CCN3: variants seen among roughly 807,000 people sequenced by gnomAD.
CCN3 encodes the protein cellular communication network factor 3.
CCN3 carries 20 observed loss-of-function variants against 33.4 expected under a neutral mutation model. The ratio of observed to expected loss-of-function variants is 0.60; its 90% CI spans 0.42 to 0.87. CCN3 has a LOEUF of 0.87. CCN3 is among the 40% of genes least tolerant of loss of function. The pLI, the probability that CCN3 is intolerant of heterozygous loss-of-function variation, is 0.00. For missense variants in CCN3, 465 were observed against 455.3 expected, an observed-to-expected ratio of 1.02 and a Z score of -0.19; for synonymous variants, 205 against 170.4, an observed-to-expected ratio of 1.20 and a Z score of -1.58.
intron 4 of CCN3, among the ~76,000 whole-genome samples, chr8:119,420,320 C>T (rs1227358960): frequency 1.3e-5 from 2 of 152,152 alleles, no homozygotes; most frequent in Admixed American, 6.5e-5. Context: ...AAGTACCTAC[C>T]TTAACTTGTC....
At position 119,416,465 on chromosome 8, in the gene CCN3, A is replaced by G; in HGVS notation, c.-68A>G. 1 of 1,456,676 alleles carries G rather than the reference A, an allele frequency of 6.9e-7. No homozygotes were observed. The highest frequency in any genetic ancestry group is 9.6e-7 in the Non-Finnish European group (1 of 1,046,258). 90.2% of individuals were successfully genotyped at this position (1,456,676 alleles called of 1,614,324 possible). A position where few individuals can be genotyped will look rare whatever the true frequency, so the allele number is the denominator to read the frequency against. On this transcript the variant is annotated 5_prime_UTR_variant, in exon 1 of 5. Transcript: ENST00000259526. Reference sequence around the variant, plus strand: ...ATCGGCAAGCACCGGACCAGGGGGAAGGCGAGCAGTGCCAATCTACAGCGA... The same window carrying G: ...ATCGGCAAGCACCGGACCAGGGGGAGGGCGAGCAGTGCCAATCTACAGCGA...
In CCN3 at chr8:119,416,466, G is replaced by A; in HGVS notation, c.-67G>A. On this transcript the variant is annotated 5_prime_UTR_variant, in exon 1 of 5. Coordinates refer to ENST00000259526, the MANE Select transcript of CCN3 (RefSeq NM_002514.4). ...TCGGCAAGCACCGGACCAGGGGGAAGGCGAGCAGTGCCAATCTACAGCGAA... is the reference window on the plus strand; with the variant it reads ...TCGGCAAGCACCGGACCAGGGGGAAAGCGAGCAGTGCCAATCTACAGCGAA... 6 of 1,476,444 alleles carry A rather than the reference G, an allele frequency of 4.1e-6. No individual in the cohort carries two copies. Among genetic ancestry groups the A allele is most frequent in the Non-Finnish European group, 4.7e-6 (5 of 1,063,992 alleles). The allele number at this position is 1,476,444 out of a possible 1,614,324, so 91.5% of individuals were successfully genotyped here. A position where few individuals can be genotyped will look rare whatever the true frequency, so the allele number is the denominator to read the frequency against.
At position 119,418,256 on chromosome 8, in the gene CCN3, A is replaced by G. The variant is rs148960882; in HGVS notation, c.509A>G (p.Lys170Arg). The change falls in exon 3 of 5, where the codon AAG becomes AGG. Residue 170 changes from lysine (K) to arginine (R), a missense_variant. Physicochemically the swap from Lys to Arg is conservative, Grantham distance 26. Coordinates refer to ENST00000259526, the MANE Select transcript of CCN3 (RefSeq NM_002514.4). ...GAGGTGCCTGGAGAGTGCTGTGAAA[A>G]GTGGATCTGTGGCCCAGATGAGGAG... is the stretch of plus-strand genomic sequence containing the variant. ...KVEVPGECCE[K>R]WICGPDEEDS... The G allele has an allele frequency of 1.5e-4, 244 of 1,614,184 alleles. No individual in the cohort carries two copies. The African/African-American group carries it at 2.9e-3, about 19-fold the overall frequency.
chr8:119,418,320 C>A lies in CCN3; in HGVS notation c.562+11C>A. On this transcript the variant is annotated intron_variant, in intron 3 of 4. Transcript: ENST00000259526. ...GCCTTACCCTTGCAGGTGAGAAACT[C>A]AATATACCTAGGGCTGGTCATAGTA... 6.2e-7 allele frequency: 1 copy of A among 1,613,716 alleles called. No individual in the cohort carries two copies. Among genetic ancestry groups the A allele is most frequent in the South Asian group, 1.1e-5 (1 of 91,012 alleles).
chr8:119,420,973 C>T (rs556660719), intron 4 of CCN3, among the ~76,000 whole-genome samples: 8 of 147,810 alleles, frequency 5.4e-5, no homozygotes, highest in Non-Finnish European at 1.2e-4. Flanking sequence ...TCATTACTTC[C>T]TTGTCTCCAA....
Position 119,419,225 on chromosome 8 carries a change from C to A in CCN3, c.657C>A (p.Ser219Arg). 1 of 1,614,234 alleles carries A rather than the reference C, an allele frequency of 6.2e-7. No homozygotes were observed. The highest frequency in any genetic ancestry group is 1.3e-5 in the African/African-American group (1 of 75,060). The part of the protein sequence containing the change: ...QTTEWTACSK[S>R]CGMGFSTRVT... ...CAGAGTGGACAGCATGCTCCAAGAGCTGTGGTATGGGGTTCTCCACCCGGG... is the reference window on the plus strand; with the variant it reads ...CAGAGTGGACAGCATGCTCCAAGAGATGTGGTATGGGGTTCTCCACCCGGG... Residue 219 changes from serine (S) to arginine (R), a missense_variant, in exon 4 of 5, where the codon AGC becomes AGA. Ser to Arg is a moderately radical substitution (Grantham distance 110). Coordinates refer to ENST00000259526, the MANE Select transcript of CCN3 (RefSeq NM_002514.4).
At position 119,416,875 on chromosome 8, in the gene CCN3, C is replaced by G. The variant is rs757875319; in HGVS notation, c.216C>G (p.Gly72=). The change falls in exon 2 of 5, where the codon GGC becomes GGG. Residue 72 remains glycine, a synonymous_variant. Coordinates refer to ENST00000259526, the MANE Select transcript of CCN3 (RefSeq NM_002514.4). The part of the protein sequence containing the change: ...SCCLVCARQR[G]ESCSDLEPCD... ...GTCTGGTGTGTGCCCGCCAGCGTGG[C>G]GAGAGCTGCTCAGATCTGGAGCCAT... 1 of 1,613,768 alleles carries G rather than the reference C, an allele frequency of 6.2e-7. No homozygotes were observed. The highest frequency in any genetic ancestry group is 1.3e-5 in the African/African-American group (1 of 75,050).
At position 119,416,469 on chromosome 8, in the gene CCN3, G is replaced by T. The variant is rs928337378; in HGVS notation, c.-64G>T. ...GCAAGCACCGGACCAGGGGGAAGGCGAGCAGTGCCAATCTACAGCGAAGAA... is the reference window on the plus strand; with the variant it reads ...GCAAGCACCGGACCAGGGGGAAGGCTAGCAGTGCCAATCTACAGCGAAGAA... On this transcript the variant is annotated 5_prime_UTR_variant, in exon 1 of 5. Transcript: ENST00000259526. 1 of 1,491,912 alleles carries T rather than the reference G, an allele frequency of 6.7e-7. No individual in the cohort carries two copies. The highest frequency in any genetic ancestry group is 1.4e-5 in the African/African-American group (1 of 72,924). The allele number at this position is 1,491,912 out of a possible 1,614,324, so 92.4% of individuals were successfully genotyped here.
rs151283214 is a variant in CCN3 at position 119,422,910 on chromosome 8, G to C, written c.852G>C (p.Leu284=). 6.8e-5 allele frequency: 110 copies of C among 1,614,032 alleles called. No individual in the cohort carries two copies. The African/African-American group carries it at 1.1e-3, about 17-fold the overall frequency. ...TGCAGTTCAAGAACTGCACCAGCCT[G>C]CACACCTACAAGCCCAGGTTCTGTG... The part of the protein sequence containing the change: ...IHLQFKNCTS[L]HTYKPRFCGV... Residue 284 remains leucine, a synonymous_variant, in exon 5 of 5, where the codon CTG becomes CTC. Transcript: ENST00000259526.
rs1262846564 is a variant in CCN3 at position 119,422,876 on chromosome 8, C to A, written c.818C>A (p.Ala273Asp). The change falls in exon 5 of 5, where the codon GCC (alanine) becomes GAC (aspartate). Residue 273 changes from alanine to aspartate, a missense_variant. Coordinates refer to ENST00000259526, the MANE Select transcript of CCN3 (RefSeq NM_002514.4). ...CTCCGCACCAAGAAGTCACTCAAAG[C>A]CATCCACCTGCAGTTCAAGAACTGC... ...KCLRTKKSLK[A>D]IHLQFKNCTS... 1 of 1,612,630 alleles carries A rather than the reference C, an allele frequency of 6.2e-7. No homozygotes were observed. The highest frequency in any genetic ancestry group is 1.1e-5 in the South Asian group (1 of 91,004).
intron 4 of CCN3, among the ~76,000 whole-genome samples, chr8:119,420,669 C>G (rs1339331804): frequency 1.3e-5 from 2 of 152,186 alleles, no homozygotes; most frequent in African/African-American, 2.4e-5. Flanking sequence ...CATACACACA[C>G]ATAGGAATGT....
intron 4 of CCN3, among the ~76,000 whole-genome samples, chr8:119,420,972 C>T (rs1820114740): frequency 6.7e-6 from 1 of 148,526 alleles, no homozygotes; most frequent in South Asian, 2.1e-4. Context: ...ATCATTACTT[C>T]CTTGTCTCCA....
intron 3 of CCN3, among the ~76,000 whole-genome samples, chr8:119,418,845 A>G (rs1214905432): frequency 6.6e-6 from 1 of 152,194 alleles, no homozygotes; most frequent in Non-Finnish European, 1.5e-5. Flanking sequence ...TAGTTTAAAT[A>G]AAAAATCTCA....
Position 119,423,450 on chromosome 8 carries a change from A to G in CCN3, c.*318A>G, listed in dbSNP as rs1234695035. 5 of 237,346 alleles carry G rather than the reference A, an allele frequency of 2.1e-5. No homozygotes were observed. The highest frequency in any genetic ancestry group is 8.3e-5 in the East Asian group (1 of 11,986). The allele number at this position is 237,346 out of a possible 1,614,324, so 14.7% of individuals were successfully genotyped here. A position where few individuals can be genotyped will look rare whatever the true frequency, so the allele number is the denominator to read the frequency against. On this transcript the variant is annotated 3_prime_UTR_variant, in exon 5 of 5. Coordinates refer to ENST00000259526, the MANE Select transcript of CCN3 (RefSeq NM_002514.4). The stretch of plus-strand genomic sequence containing the variant: ...TACTTTGTAGACTGTTTCACATTGC[A>G]CTCATCATATTTTGTTGTGCACTAG...
In CCN3 at chr8:119,419,257, A is replaced by G. The variant is rs1820093214; in HGVS notation, c.689A>G (p.Asn230Ser). ...ATGGGGTTCTCCACCCGGGTCACCA[A>G]TAGGAACCGTCAATGTGAGATGCTG... ...CGMGFSTRVT[N>S]RNRQCEMLKQ... The change falls in exon 4 of 5, where the codon AAT (asparagine) becomes AGT (serine). Residue 230 changes from asparagine (N) to serine (S), a missense_variant. Physicochemically the swap from Asn to Ser is conservative, Grantham distance 46. Transcript: ENST00000259526. The G allele has an allele frequency of 1.2e-6, 2 of 1,614,240 alleles. No individual in the cohort carries two copies. The highest frequency in any genetic ancestry group is 1.6e-4 in the Middle Eastern group (1 of 6,062).
In CCN3 at chr8:119,424,234, C is replaced by G. The variant is rs1442090580; in HGVS notation, c.*1102C>G. 2.0e-5 allele frequency: 3 copies of G among 152,128 alleles called. No individual in the cohort carries two copies. Among genetic ancestry groups the G allele is most frequent in the Admixed American group, 2.0e-4 (3 of 15,276 alleles). 9.4% of individuals were successfully genotyped at this position (152,128 alleles called of 1,614,324 possible). On this transcript the variant is annotated 3_prime_UTR_variant, in exon 5 of 5. Transcript: ENST00000259526. ...AAATCTAGACATTCTTTTAATGCCA[C>G]CACACGTGTTCCGCTTCTCTCTTTT...
Position 119,424,365 on chromosome 8 carries a change from G to A in CCN3, c.*1233G>A, listed in dbSNP as rs898080148. On this transcript the variant is annotated 3_prime_UTR_variant, in exon 5 of 5. Transcript: ENST00000259526. ...CACGATTTTATTGCTGCGTGACTCT[G>A]TATTACTTTGGTGCATAAAAGTTGA... 3.9e-5 allele frequency: 6 copies of A among 152,154 alleles called. No individual in the cohort carries two copies. Among genetic ancestry groups the A allele is most frequent in the African/African-American group, 1.2e-4 (5 of 41,428 alleles). The allele number at this position is 152,154 out of a possible 1,614,324, so 9.4% of individuals were successfully genotyped here.
chr8:119,417,513 T>C (rs1161873686), intron 2 of CCN3, among the ~76,000 whole-genome samples: 2 of 152,180 alleles, frequency 1.3e-5, no homozygotes, highest in Non-Finnish European at 2.9e-5. Context: ...ACGTAATCAG[T>C]CGGGGATCAA....
At chr8:119,421,425 T>C (rs529733467) in intron 4 of CCN3, among the ~76,000 whole-genome samples, 115 of 152,300 alleles carry the variant, frequency 7.6e-4, no homozygotes, top group Non-Finnish European at 1.1e-3. Flanking sequence ...ACTCAGGGTG[T>C]GAGGTCTGAC....
Sources: gnomAD v4.1 joint callset for allele counts (sites outside exome capture counted in the v4.1 genomes callset) on GRCh38, gnomAD v4.1.1 for gene constraint, MANE v1.5 for transcripts, NCBI Gene and HGNC (gene_info 2026-07-23, HGNC 2026-07-21) for gene names.